PRKD1: variants seen among roughly 807,000 people sequenced by gnomAD.
The protein encoded by PRKD1 is serine/threonine-protein kinase D1.
PRKD1 carries 63 observed loss-of-function variants against 95.9 expected under a neutral mutation model. The ratio of observed to expected loss-of-function variants is 0.66; its 90% CI spans 0.54 to 0.81. The LOEUF is 0.81. PRKD1 is among the 30% of genes least tolerant of loss of function. The probability of loss-of-function intolerance (pLI) is 0.00; values close to 1 mark genes in which losing one functional copy is unlikely to be tolerated. For synonymous variants in PRKD1, 425 were observed against 423.1 expected, an observed-to-expected ratio of 1.00 and a Z score of -0.05; for missense variants, 1,048 against 1,165.3, an observed-to-expected ratio of 0.90 and a Z score of 1.47.
chr14:29,706,603 T>C (rs1348071314), intron 2 of PRKD1, among the ~76,000 whole-genome samples: 1 of 152,178 alleles, frequency 6.6e-6, no homozygotes, highest in Non-Finnish European at 1.5e-5. Flanking sequence ...TTGCCAGATG[T>C]TGCACAAGGC....
chr14:29,629,676 T>C (rs1467031821), intron 10 of PRKD1, among the ~76,000 whole-genome samples: 1 of 152,128 alleles, frequency 6.6e-6, no homozygotes. Context: ...TTTATAGAAA[T>C]ATTCCTCTAA....
rs113346562 is a variant in PRKD1, at chr14:29,664,966, A to C, written c.536-1107T>G. On this transcript the variant is annotated intron_variant, in intron 3 of 17. Transcript: ENST00000331968. Reference sequence around the variant, plus strand: ...TATTCCAATTTCTGACTTATTTACTAGGCAAATTTTATTTTTAGTCGGCTG... The same window carrying C: ...TATTCCAATTTCTGACTTATTTACTCGGCAAATTTTATTTTTAGTCGGCTG... 4.1e-3 allele frequency among the ~76,000 whole-genome samples: 618 copies of C among 152,302 alleles called. 4 individuals carry two copies. Among genetic ancestry groups the C allele is most frequent in the African/African-American group, 0.014 (582 of 41,560 alleles).
At chr14:29,590,669 C>A (rs1352967430) in intron 16 of PRKD1, among the ~76,000 whole-genome samples, 2 of 152,156 alleles carry the variant, frequency 1.3e-5, no homozygotes, top group Non-Finnish European at 2.9e-5. Context: ...TAAACATTAA[C>A]TGATAAATTC....
chr14:29,804,804 T>C (rs1380097018), intron 1 of PRKD1, among the ~76,000 whole-genome samples: 1 of 152,142 alleles, frequency 6.6e-6, no homozygotes, highest in African/African-American at 2.4e-5. Flanking sequence ...ATGAGGTGTT[T>C]TTTTTTCCTT....
At chr14:29,630,635 AG>A (rs1879935674) in intron 10 of PRKD1, 106 bp downstream of exon 10, 5 of 1,417,326 alleles carry the variant, frequency 3.5e-6, no homozygotes, top group Non-Finnish European at 4.9e-6. Context: ...GTCATCCCCA[AG>A]AAGTCTTTCT....
chr14:29,794,604 A>G (rs1337760446), intron 1 of PRKD1, among the ~76,000 whole-genome samples: 1 of 152,066 alleles, frequency 6.6e-6, no homozygotes, highest in Non-Finnish European at 1.5e-5. Flanking sequence ...GATGGAATAC[A>G]TATTTGAAAG....
chr14:29,626,745 C>T (rs1171577240), intron 11 of PRKD1, among the ~76,000 whole-genome samples, 189 bp from the exon 12 acceptor site: 34 of 139,272 alleles, frequency 2.4e-4, no homozygotes, highest in Admixed American at 3.0e-4. Context: ...GATGGAGTCT[C>T]GCTCTGTTGC....
At chr14:29,581,473 G>A (rs1042711161) in intron 16 of PRKD1, among the ~76,000 whole-genome samples, 4 of 152,034 alleles carry the variant, frequency 2.6e-5, no homozygotes, top group East Asian at 3.9e-4. Context: ...AAAACGTGAC[G>A]CTTCAAAAGG....
intron 1 of PRKD1, among the ~76,000 whole-genome samples, chr14:29,833,829 C>T (rs914633595): frequency 1.3e-5 from 2 of 151,800 alleles, no homozygotes; most frequent in African/African-American, 4.8e-5. Flanking sequence ...AAAAGCAATC[C>T]CTTTTACTCC....
intron 4 of PRKD1, among the ~76,000 whole-genome samples, chr14:29,640,510 C>G (rs1471434375): frequency 6.6e-6 from 1 of 152,112 alleles, no homozygotes; most frequent in African/African-American, 2.4e-5. Flanking sequence ...AACTGTAAAG[C>G]ATAATTATTC....
intron 2 of PRKD1, among the ~76,000 whole-genome samples, chr14:29,675,948 G>A (rs1883152398): frequency 7.7e-6 from 1 of 129,034 alleles, no homozygotes; most frequent in Non-Finnish European, 1.6e-5. Context: ...TTGGACACAG[G>A]AAGGGGAACA....
chr14:29,686,803 G>A (rs922667461), intron 2 of PRKD1, among the ~76,000 whole-genome samples: 1 of 152,158 alleles, frequency 6.6e-6, no homozygotes, highest in African/African-American at 2.4e-5. Flanking sequence ...GATAGTCCTT[G>A]GCACACAATT....
intron 1 of PRKD1, among the ~76,000 whole-genome samples, chr14:29,920,062 AAG>A (rs1895044221): frequency 7.6e-6 from 1 of 131,556 alleles, no homozygotes; most frequent in African/African-American, 3.7e-5. Context: ...GGAAGGAAGG[AAG>A]GAAAGAAGGA....
chr14:29,712,228 G>C (rs1254720345), intron 2 of PRKD1, among the ~76,000 whole-genome samples: 1 of 151,998 alleles, frequency 6.6e-6, no homozygotes, highest in African/African-American at 2.4e-5. Context: ...TTAGTATGTG[G>C]GAGAAAATTC....
At chr14:29,825,025 TTGGAATA>T (rs1196232044) in intron 1 of PRKD1, among the ~76,000 whole-genome samples, 2 of 152,112 alleles carry the variant, frequency 1.3e-5, no homozygotes, top group African/African-American at 4.8e-5. Flanking sequence ...CATGGAAGGA[TTGGAATA>T]TCCACGCTTC....
chr14:29,600,646 T>C (rs1164957637), intron 13 of PRKD1, among the ~76,000 whole-genome samples: 6 of 152,164 alleles, frequency 3.9e-5, no homozygotes, highest in Admixed American at 6.6e-5. Context: ...GATGTAAGTA[T>C]GCGTGGATTT....
chr14:29,639,873 G>T (rs1271342699), intron 4 of PRKD1, among the ~76,000 whole-genome samples: 2 of 152,016 alleles, frequency 1.3e-5, no homozygotes, highest in African/African-American at 4.8e-5. Context: ...TATTTAATCA[G>T]CCCAGTATAT....
chr14:29,726,426 T>G (rs1488048241), intron 1 of PRKD1, among the ~76,000 whole-genome samples: 1 of 152,194 alleles, frequency 6.6e-6, no homozygotes, highest in African/African-American at 2.4e-5. Flanking sequence ...TAAAGAATGC[T>G]ATTTCTGCCA....
intron 2 of PRKD1, among the ~76,000 whole-genome samples, chr14:29,697,795 C>G (rs938929602): frequency 1.3e-5 from 2 of 152,022 alleles, no homozygotes; most frequent in Non-Finnish European, 2.9e-5. Context: ...TAATGTATTC[C>G]TGTTTGACAT....
Sources: allele counts gnomAD v4.1 joint callset (sites outside exome capture counted in the v4.1 genomes callset), GRCh38; gene constraint gnomAD v4.1.1; transcripts MANE v1.5; gene names NCBI Gene and HGNC (gene_info 2026-07-23, HGNC 2026-07-21).